The following GATAD2B variants were observed in gnomAD, a reference collection of about 807,000 sequenced individuals.
The protein encoded by GATAD2B is GATA zinc finger domain containing 2B, also known as transcriptional repressor p66-beta.
GATAD2B carries 8 observed loss-of-function variants against 64.3 expected under a neutral mutation model. The ratio of observed to expected loss-of-function variants is 0.12; its 90% CI spans 0.07 to 0.22. The LOEUF (loss-of-function observed/expected upper bound fraction) is 0.22, where lower values mean the gene tolerates loss of function less well. Ranked by LOEUF, GATAD2B falls within the 10% of genes least tolerant of loss-of-function variation. The pLI is 1.00. For synonymous variants in GATAD2B, 281 were observed against 271.3 expected, an observed-to-expected ratio of 1.04 and a Z score of -0.35; for missense variants, 453 against 752.0, an observed-to-expected ratio of 0.60 and a Z score of 4.65.
At chr1:153,898,704 A>C (rs1257238275) in intron 1 of GATAD2B, among the ~76,000 whole-genome samples, 1 of 152,226 alleles carries the variant, frequency 6.6e-6, no homozygotes, top group Admixed American at 6.6e-5. Context: ...GTAAGTTCTA[A>C]ATTCATTGAA....
intron 1 of GATAD2B, among the ~76,000 whole-genome samples, chr1:153,891,597 AAG>A (rs1491129220): frequency 1.6e-5 from 2 of 124,542 alleles, no homozygotes; most frequent in East Asian, 5.3e-4. Flanking sequence ...AAAAAAAAAA[AAG>A]AGGTGGGGGG....
chr1:153,896,353 A>G (rs1190615498), intron 1 of GATAD2B, among the ~76,000 whole-genome samples: 2 of 152,234 alleles, frequency 1.3e-5, no homozygotes, highest in East Asian at 3.9e-4. Flanking sequence ...AAAGGGGATA[A>G]TCTGAAACAA....
At chr1:153,922,196 A>G (rs1412207107) in intron 1 of GATAD2B, among the ~76,000 whole-genome samples, 1 of 151,782 alleles carries the variant, frequency 6.6e-6, no homozygotes, top group Non-Finnish European at 1.5e-5. Flanking sequence ...CTTTACCCTT[A>G]GATTCCCCAT....
intron 1 of GATAD2B, among the ~76,000 whole-genome samples, chr1:153,886,718 AT>A (rs562067045): frequency 8.4e-4 from 118 of 140,698 alleles, no homozygotes; most frequent in East Asian, 1.0e-3. Context: ...CGCCCGGCTA[AT>A]TTTTTTTTTT....
Position 153,812,061 on chromosome 1 carries a change from A to G in GATAD2B, c.1491T>C (p.Ser497=). 5 of 1,612,610 alleles carry G rather than the reference A, an allele frequency of 3.1e-6. No homozygotes were observed. Among genetic ancestry groups the G allele is most frequent in the South Asian group, 1.1e-5 (1 of 91,036 alleles). The change falls in exon 9 of 11, where the codon AGT becomes AGC. Residue 497 remains serine (S), a synonymous_variant. Transcript: ENST00000368655. ...GATGTCTCATGATGGTCTCTTGTTT[A>G]CTGACACTGGACACAGCTGGAGCCG... The part of the protein sequence containing the change: ...PTTAPAVSSV[S]KQETIMRHHT...
chr1:153,884,192 G>A (rs1208141653), intron 1 of GATAD2B, among the ~76,000 whole-genome samples: 3 of 152,172 alleles, frequency 2.0e-5, no homozygotes, highest in Non-Finnish European at 4.4e-5. Context: ...TATAATCCCA[G>A]CACTTTGGGA....
At chr1:153,911,109 A>T (rs572750062) in intron 1 of GATAD2B, among the ~76,000 whole-genome samples, 36 of 152,332 alleles carry the variant, frequency 2.4e-4, no homozygotes, top group Non-Finnish European at 4.6e-4. Context: ...CCAGGGAATA[A>T]AGTGAAAAAA....
chr1:153,906,067 A>C (rs1222387126), intron 1 of GATAD2B, among the ~76,000 whole-genome samples: 2 of 143,798 alleles, frequency 1.4e-5, no homozygotes, highest in African/African-American at 2.5e-5. Context: ...TTCCCTCTCA[A>C]AAAAAAAAAA....
rs1200693040 is a variant in GATAD2B, at chr1:153,816,105, G to A, written c.1216+168C>T. On this transcript the variant is annotated intron_variant, in intron 7 of 10. Transcript: ENST00000368655. This position sits in a 1 kb window ranked among gnomAD's most constrained non-coding sequence, Gnocchi z 4.9. ...ACACACACACACACACACACACTCC[G>A]CTTCTAACATGTTGCTCCCAAACAG... Among the ~76,000 whole-genome samples the A allele has an allele frequency of 2.7e-5, 3 of 111,838 alleles. No homozygotes were observed. The highest frequency in any genetic ancestry group is 2.0e-4 in the Admixed American group (2 of 9,978). The allele number at this position is 111,838 out of a possible 152,430, so 73.4% of individuals were successfully genotyped here. A position where few individuals can be genotyped will look rare whatever the true frequency, so the allele number is the denominator to read the frequency against.
At chr1:153,920,950 A>C (rs1159283830) in intron 1 of GATAD2B, among the ~76,000 whole-genome samples, 2 of 152,120 alleles carry the variant, frequency 1.3e-5, no homozygotes, top group Non-Finnish European at 2.9e-5. Flanking sequence ...CCATTCCCAA[A>C]TGGCCAGGGA....
chr1:153,900,718 T>C (rs1677740853), intron 1 of GATAD2B, among the ~76,000 whole-genome samples: 1 of 152,118 alleles, frequency 6.6e-6, no homozygotes, highest in African/African-American at 2.4e-5. Context: ...AGTAAATATT[T>C]TAGGTTTTGG....
Position 153,808,310 on chromosome 1 carries a change from G to A in GATAD2B, c.*1867C>T, listed in dbSNP as rs779219112. 6 of 152,690 alleles carry A rather than the reference G, an allele frequency of 3.9e-5. No individual in the cohort carries two copies. Among genetic ancestry groups the A allele is most frequent in the Non-Finnish European group, 8.8e-5 (6 of 68,034 alleles). The allele number at this position is 152,690 out of a possible 1,614,324, so 9.5% of individuals were successfully genotyped here. On this transcript the variant is annotated 3_prime_UTR_variant, in exon 11 of 11. Transcript: ENST00000368655. The stretch of plus-strand genomic sequence containing the variant: ...AGGGAGGAAAGAAAAAAGCCAGGAA[G>A]GCCCGTAGGGCCAGTATAGTCACCC...
At chr1:153,812,328 G>T in intron 8 of GATAD2B, 196 bp from the exon 9 acceptor site, 1 of 527,346 alleles carries the variant, frequency 1.9e-6, no homozygotes. Context: ...ACTGCACCTG[G>T]CCCACCCAAT....
chr1:153,901,929 G>T (rs997854314), intron 1 of GATAD2B, among the ~76,000 whole-genome samples: 1 of 150,628 alleles, frequency 6.6e-6, no homozygotes, highest in Non-Finnish European at 1.5e-5. Flanking sequence ...ATGGCCTTGG[G>T]GCAACAGGGA....
chr1:153,829,382 G>A (rs925006108), intron 1 of GATAD2B, among the ~76,000 whole-genome samples: 3 of 152,144 alleles, frequency 2.0e-5, no homozygotes, highest in African/African-American at 7.2e-5. Context: ...CAAATATTTA[G>A]TAAGTTATTT....
chr1:153,860,719 G>A (rs905583770), intron 1 of GATAD2B, among the ~76,000 whole-genome samples: 1 of 152,148 alleles, frequency 6.6e-6, no homozygotes, highest in Non-Finnish European at 1.5e-5. Context: ...GGAGTGCCGT[G>A]GCACAATCAT....
At chr1:153,909,422 G>C (rs913758919) in intron 1 of GATAD2B, among the ~76,000 whole-genome samples, 1 of 151,416 alleles carries the variant, frequency 6.6e-6, no homozygotes, top group African/African-American at 2.4e-5. Flanking sequence ...CTGTGGTCTC[G>C]ATCTCCTGAC....
Position 153,817,476 on chromosome 1 carries a change from T to C in GATAD2B, c.796A>G (p.Ile266Val). The C allele has an allele frequency of 6.2e-7, 1 of 1,613,530 alleles. No homozygotes were observed. The highest frequency in any genetic ancestry group is 8.5e-7 in the Non-Finnish European group (1 of 1,179,804). Residue 266 changes from isoleucine to valine, a missense_variant, in exon 6 of 11, where the codon ATT (isoleucine) becomes GTT (valine). Physicochemically the swap from Ile to Val is conservative, Grantham distance 29. This residue lies in a region of GATAD2B where 293 missense variants were observed against 417.2 expected (regional missense o/e 0.70). Transcript: ENST00000368655. ...TGTAGCTGGGCTGGGTTTGGTGCAA[T>C]AACACGTTGAGACATCAACATGTGT... Reference protein sequence around the residue: ...LPHMLMSQRVIAPNPAQLQGQ... With the variant: ...LPHMLMSQRVVAPNPAQLQGQ...
At chr1:153,913,538 G>A (rs934431596) in intron 1 of GATAD2B, among the ~76,000 whole-genome samples, 1 of 152,202 alleles carries the variant, frequency 6.6e-6, no homozygotes, top group African/African-American at 2.4e-5. Context: ...CACTGAAGGT[G>A]AAGGCTAAGC....
Sources: gnomAD v4.1 joint callset for allele counts (sites outside exome capture counted in the v4.1 genomes callset) on GRCh38, gnomAD v4.1.1 for gene constraint, gnomAD v4.1.1 regional missense constraint, Gnocchi (gnomAD v3.1) non-coding constraint, MANE v1.5 for transcripts, NCBI Gene and HGNC (gene_info 2026-07-23, HGNC 2026-07-21) for gene names.